The following TSEN2 variants were observed in gnomAD, a reference collection of about 807,000 sequenced individuals.
TSEN2 encodes tRNA splicing endonuclease subunit 2, also known as tRNA-splicing endonuclease subunit Sen2.
TSEN2 carries 54 observed loss-of-function variants against 59.2 expected under a neutral mutation model. That is an observed-to-expected ratio of 0.91 (90% CI 0.73 to 1.14). TSEN2 has a LOEUF of 1.14. Among genes scored for constraint, TSEN2 ranks in the 50% most tolerant of loss-of-function variants. The pLI is 0.00. For synonymous variants in TSEN2, 195 were observed against 198.2 expected (o/e 0.98, Z 0.14); for missense variants, 636 against 576.2 (o/e 1.10, Z -1.06).
chr3:12,531,239 C>T (rs1390514741), intron 10 of TSEN2: 7 of 277,902 alleles, frequency 2.5e-5, no homozygotes, highest in African/African-American at 6.6e-5. Flanking sequence ...ACAGCCAAAC[C>T]GTATCAACAT....
intron 8 of TSEN2, among the ~76,000 whole-genome samples, chr3:12,521,235 G>C (rs1481088136): frequency 6.6e-6 from 1 of 152,162 alleles, no homozygotes; most frequent in Non-Finnish European, 1.5e-5. Context: ...TGTGGGCCAG[G>C]TACTGTTTGA....
At chr3:12,522,878 T>G (rs1297368177) in intron 8 of TSEN2, among the ~76,000 whole-genome samples, 2 of 152,156 alleles carry the variant, frequency 1.3e-5, no homozygotes, top group East Asian at 1.9e-4. Flanking sequence ...AGAGGGAGCC[T>G]TTCCTTACAC....
In TSEN2 at chr3:12,516,442, A is replaced by ATGTGTGTGTG. The variant is rs1491196550; in HGVS notation, c.910-168_910-167insGTGTGTGTGT. On this transcript the variant is annotated intron_variant, in intron 6 of 11. Transcript: ENST00000284995. The stretch of plus-strand genomic sequence containing the variant: ...TCCGTTTCAAAAACAAACAAACAAA[A>ATGTGTGTGTG]TATATGTGTGTGTGTGTGTGTGTGT... Among the ~76,000 whole-genome samples the ATGTGTGTGTG allele has an allele frequency of 1.7e-3, 152 of 89,168 alleles. 3 individuals are homozygous for ATGTGTGTGTG. Among genetic ancestry groups the ATGTGTGTGTG allele is most frequent in the Admixed American group, 5.8e-3 (42 of 7,220 alleles). The allele number at this position is 89,168 out of a possible 152,430, so 58.5% of individuals were successfully genotyped here. A position where few individuals can be genotyped will look rare whatever the true frequency, so the allele number is the denominator to read the frequency against.
intron 11 of TSEN2, 139 bp downstream of exon 11, chr3:12,531,798 C>T (rs2057473913): frequency 1.5e-6 from 1 of 683,418 alleles, no homozygotes; most frequent in African/African-American, 1.8e-5. Context: ...TCTTAAGTCT[C>T]TCACCTTTTC....
In TSEN2 at chr3:12,489,890, C is replaced by A; in HGVS notation, c.90C>A (p.Asp30Glu). ...CATTGCCAATCCCTTTTGGTCAGGA[C>A]CATGGTCCTCTGAAAGAATTCAAGA... Reference protein sequence around the residue: ...ESPLPIPFGQDHGPLKEFKIF... With the variant: ...ESPLPIPFGQEHGPLKEFKIF... Residue 30 changes from aspartate (D) to glutamate (E), a missense_variant, in exon 2 of 12, where the codon GAC becomes GAA. Coordinates refer to ENST00000284995, the MANE Select transcript of TSEN2 (RefSeq NM_025265.4). The A allele has an allele frequency of 6.2e-7, 1 of 1,614,082 alleles. No homozygotes were observed. Among genetic ancestry groups the A allele is most frequent in the Admixed American group, 1.7e-5 (1 of 60,022 alleles).
At chr3:12,481,369 CA>C (rs541066149), upstream of TSEN2, among the ~76,000 whole-genome samples, 264 of 152,216 alleles carry the variant, frequency 1.7e-3, 1 homozygote, top group Middle Eastern at 0.01. Context: ...CACAGAATAC[CA>C]AAAAATTTGA....
intron 10 of TSEN2, chr3:12,530,794 C>G (rs1468179717): frequency 1.0e-6 from 1 of 976,930 alleles, no homozygotes; most frequent in Non-Finnish European, 1.2e-6. Context: ...TTGATATGTT[C>G]TTGGAAACTG....
chr3:12,482,586 T>C (rs1190556685), upstream of TSEN2, among the ~76,000 whole-genome samples: 2 of 152,168 alleles, frequency 1.3e-5, no homozygotes, highest in Non-Finnish European at 2.9e-5. Flanking sequence ...TTTTATGTTT[T>C]TGGGAGGGGA....
chr3:12,525,425 T>A (rs1427001498), intron 8 of TSEN2, among the ~76,000 whole-genome samples: 1 of 152,252 alleles, frequency 6.6e-6, no homozygotes, highest in African/African-American at 2.4e-5. Context: ...TTATAATAGT[T>A]GTCTGATTTA....
At chr3:12,499,961 A>G (rs559374324) in intron 4 of TSEN2, among the ~76,000 whole-genome samples, 15 of 152,286 alleles carry the variant, frequency 9.8e-5, no homozygotes, top group Non-Finnish European at 2.2e-4. Context: ...CAGTACAACA[A>G]TAGGGAACGG....
At chr3:12,485,344 G>A (rs1303347974) in intron 1 of TSEN2, among the ~76,000 whole-genome samples, 1 of 152,188 alleles carries the variant, frequency 6.6e-6, no homozygotes, top group African/African-American at 2.4e-5. Context: ...GTGCTCGAGG[G>A]AAGAATAAGA....
At chr3:12,532,118 G>A (rs944940121) in intron 11 of TSEN2, among the ~76,000 whole-genome samples, 2 of 152,276 alleles carry the variant, frequency 1.3e-5, no homozygotes, top group African/African-American at 4.8e-5. Context: ...CCCTCTGTGT[G>A]TAGAGCCTTA....
rs551578908 is a variant in TSEN2 at position 12,511,204 on chromosome 3, G to A, written c.910-5407G>A. ...AGATCGGGCACATTGAGAGTAGCAT[G>A]GCTGTAGGGCGTTATTAATTTTTAA... On this transcript the variant is annotated intron_variant, in intron 6 of 11. Transcript: ENST00000284995. The A allele has an allele frequency of 2.6e-5, 4 of 152,322 alleles. No homozygotes were observed. The South Asian group carries it at 6.2e-4, about 24-fold the overall frequency. 9.4% of individuals were successfully genotyped at this position (152,322 alleles called of 1,614,324 possible). A position where few individuals can be genotyped will look rare whatever the true frequency, so the allele number is the denominator to read the frequency against.
intron 9 of TSEN2, among the ~76,000 whole-genome samples, chr3:12,529,434 C>T (rs1486485335): frequency 1.3e-5 from 2 of 148,736 alleles, no homozygotes; most frequent in Non-Finnish European, 3.0e-5. Flanking sequence ...CCACTGCACT[C>T]CAGCGTGGGT....
intron 2 of TSEN2, 96 bp from the exon 3 acceptor site, chr3:12,492,040 C>A: frequency 9.5e-7 from 1 of 1,051,052 alleles, no homozygotes; most frequent in Non-Finnish European, 1.5e-6. Flanking sequence ...CTGGAACCAG[C>A]CCCCTGTGGA....
intron 10 of TSEN2, chr3:12,530,336 G>T (rs919213942): frequency 1.0e-6 from 1 of 987,022 alleles, no homozygotes; most frequent in Non-Finnish European, 1.2e-6. Flanking sequence ...TCATCCTGAG[G>T]ATGAGAAACC....
intron 5 of TSEN2, 109 bp downstream of exon 5, chr3:12,503,893 C>A: frequency 1.4e-6 from 2 of 1,416,278 alleles, no homozygotes; most frequent in Non-Finnish European, 1.9e-6. Context: ...TTGTAGGGTC[C>A]AAGGGAAGCA....
intron 8 of TSEN2, among the ~76,000 whole-genome samples, chr3:12,522,803 A>G (rs796173): frequency 0.5 from 75,718 of 152,030 alleles, 20,012 homozygotes; most frequent in African/African-American, 0.65. Context: ...ATGGTTCTCA[A>G]ATCAAGTGCA....
At chr3:12,512,899 G>C (rs1169115241) in intron 6 of TSEN2, among the ~76,000 whole-genome samples, 7 of 152,158 alleles carry the variant, frequency 4.6e-5, no homozygotes, top group African/African-American at 1.7e-4. Flanking sequence ...ACACTTGAGG[G>C]CCCTAACTAC....
Sources: allele counts gnomAD v4.1 joint callset (sites outside exome capture counted in the v4.1 genomes callset), GRCh38; gene constraint gnomAD v4.1.1; transcripts MANE v1.5; gene names NCBI Gene and HGNC (gene_info 2026-07-23, HGNC 2026-07-21).